The following VPS13A variants were observed in gnomAD, a reference collection of about 807,000 sequenced individuals.
VPS13A encodes vacuolar protein sorting 13 homolog A.
In VPS13A, 264 loss-of-function variants were observed where a neutral mutation model predicts 390.9. The ratio of observed to expected loss-of-function variants is 0.68; its 90% CI spans 0.61 to 0.75. The LOEUF (loss-of-function observed/expected upper bound fraction) is 0.75, where lower values mean the gene tolerates loss of function less well. VPS13A is among the 30% of genes least tolerant of loss of function. The probability of loss-of-function intolerance (pLI) is 0.00; values close to 1 mark genes in which losing one functional copy is unlikely to be tolerated. For synonymous variants in VPS13A, 1,231 were observed against 1,227.1 expected, an observed-to-expected ratio of 1.00 and a Z score of -0.07; for missense variants, 3,409 against 3,733.9, an observed-to-expected ratio of 0.91 and a Z score of 2.27.
At chr9:77,325,653 T>A (rs1829979411) in intron 45 of VPS13A, among the ~76,000 whole-genome samples, 1 of 152,054 alleles carries the variant, frequency 6.6e-6, no homozygotes, top group Non-Finnish European at 1.5e-5. Context: ...TATACTTCCT[T>A]GTCTTTTTGT....
chr9:77,284,710 T>A (rs1187148695), intron 31 of VPS13A, among the ~76,000 whole-genome samples: 4 of 151,918 alleles, frequency 2.6e-5, no homozygotes, highest in Middle Eastern at 3.2e-3. Flanking sequence ...TTATTTTATT[T>A]TTTTATTTTT....
chr9:77,280,744 A>G (rs1826968342), intron 27 of VPS13A, among the ~76,000 whole-genome samples: 1 of 152,138 alleles, frequency 6.6e-6, no homozygotes, highest in African/African-American at 2.4e-5. Flanking sequence ...GCGTCAGACT[A>G]TTTTAATAAT....
intron 52 of VPS13A, among the ~76,000 whole-genome samples, chr9:77,350,073 C>T (rs531832107): frequency 1.1e-3 from 171 of 152,110 alleles, no homozygotes; most frequent in African/African-American, 3.8e-3. Flanking sequence ...TATTCTGTTT[C>T]GGTTATGGAT....
In VPS13A at chr9:77,414,824, A is replaced by G. The variant is rs548988269; in HGVS notation, c.9475-1132A>G. Among the ~76,000 whole-genome samples, 12 of 152,110 alleles carry G rather than the reference A, an allele frequency of 7.9e-5. No individual in the cohort carries two copies. In the East Asian group the frequency reaches 2.1e-3, roughly 27 times the overall value. Reference sequence around the variant, plus strand: ...TACTTGATCCCTGGGCCTCCTGGCCAGACTCAGAAGAGATCCCTGGCCTCC... The same window carrying G: ...TACTTGATCCCTGGGCCTCCTGGCCGGACTCAGAAGAGATCCCTGGCCTCC... On this transcript the variant is annotated intron_variant, in intron 71 of 71. Coordinates refer to ENST00000360280, the MANE Select transcript of VPS13A (RefSeq NM_033305.3).
intron 63 of VPS13A, among the ~76,000 whole-genome samples, 166 bp from the exon 64 acceptor site, chr9:77,370,091 A>G (rs190717102): frequency 3.6e-4 from 55 of 152,332 alleles, no homozygotes; most frequent in Non-Finnish European, 6.5e-4. Flanking sequence ...GCGTCCAGAA[A>G]TATCCCTAGG....
At chr9:77,339,462 ATAT>A (rs1053139090) in intron 47 of VPS13A, 51 bp from the exon 48 acceptor site, 37 of 1,482,558 alleles carry the variant, frequency 2.5e-5, no homozygotes, top group Non-Finnish European at 4.5e-6. Context: ...ATTTTGAGGC[ATAT>A]TATTCTGCAA....
At chr9:77,393,816 T>C (rs1834000141) in intron 68 of VPS13A, among the ~76,000 whole-genome samples, 2 of 152,256 alleles carry the variant, frequency 1.3e-5, no homozygotes, top group Non-Finnish European at 2.9e-5. Context: ...GTCACCCAGG[T>C]AGCCTGCAAT....
intron 67 of VPS13A, among the ~76,000 whole-genome samples, chr9:77,377,203 GTTTTTTTTTTTTT>G (rs61562443): frequency 5.8e-5 from 4 of 69,050 alleles, no homozygotes; most frequent in Admixed American, 2.0e-4. Context: ...TTTTGATGCT[GTTTTTTTTTTTTT>G]TTTTTTTTTT....
intron 45 of VPS13A, among the ~76,000 whole-genome samples, chr9:77,329,364 T>C (rs1483479144): frequency 6.6e-6 from 1 of 152,260 alleles, no homozygotes. Context: ...GGTTTTGACA[T>C]GCACTTCTTA....
rs765497283 is a variant in VPS13A, at chr9:77,282,285, T to A, written c.3118+11T>A. ...TCATTAAAAAATTAGGTATGTTTTT[T>A]AAAAATTTAGCATCAACTTTTTTTT... On this transcript the variant is annotated intron_variant, in intron 29 of 71. Transcript: ENST00000360280. 1.5e-5 allele frequency: 24 copies of A among 1,604,978 alleles called. 1 individual carries two copies. The South Asian group carries it at 2.6e-4, about 17-fold the overall frequency.
chr9:77,185,939 C>T (rs545462056), intron 1 of VPS13A, among the ~76,000 whole-genome samples: 4 of 152,204 alleles, frequency 2.6e-5, no homozygotes, highest in African/African-American at 9.6e-5. Context: ...CCTGCCTGGT[C>T]AACATGGTGA....
chr9:77,234,785 A>G (rs1049663129), intron 17 of VPS13A, among the ~76,000 whole-genome samples: 3 of 152,104 alleles, frequency 2.0e-5, no homozygotes, highest in African/African-American at 7.2e-5. Context: ...TTTGGGGGAT[A>G]TATTTTTATT....
rs962913210 is a variant in VPS13A at position 77,278,898 on chromosome 9, A to G, written c.2825-1261A>G. 1.6e-4 allele frequency among the ~76,000 whole-genome samples: 24 copies of G among 152,328 alleles called. 1 individual carries two copies. Among genetic ancestry groups the G allele is most frequent in the East Asian group, 1.2e-3 (6 of 5,172 alleles). ...AGTTCCTTTATTCCCCTCGCAGGAC[A>G]TGCCACAGGGGTGTGTATTTCCCTA... On this transcript the variant is annotated intron_variant, in intron 26 of 71. Coordinates refer to ENST00000360280, the MANE Select transcript of VPS13A (RefSeq NM_033305.3).
rs558287069 is a variant in VPS13A at position 77,357,738 on chromosome 9, A to C, written c.7853A>C (p.His2618Pro). ...CATAACATGAAAATTCTGCAGCCGC[A>C]TGTAATAGCTCTACGAAGAAATTAT... ...TGHNMKILQPHVIALRRNYLP... is the reference protein window; with the variant it reads ...TGHNMKILQPPVIALRRNYLP... The change falls in exon 56 of 72, where the codon CAT becomes CCT. Residue 2618 changes from histidine (H) to proline (P), a missense_variant. Physicochemically the swap from His to Pro is moderately conservative, Grantham distance 77 (BLOSUM62 -2). Coordinates refer to ENST00000360280, the MANE Select transcript of VPS13A (RefSeq NM_033305.3). 6.2e-7 allele frequency: 1 copy of C among 1,613,882 alleles called. No individual in the cohort carries two copies. Among genetic ancestry groups the C allele is most frequent in the Non-Finnish European group, 8.5e-7 (1 of 1,180,000 alleles).
chr9:77,228,080 A>G, intron 16 of VPS13A, 42 bp from the exon 17 acceptor site: 1 of 1,360,730 alleles, frequency 7.3e-7, no homozygotes, highest in Non-Finnish European at 1.0e-6. Flanking sequence ...ATGCTTATAT[A>G]TATATATATG....
In VPS13A at chr9:77,345,105, A is replaced by G; in HGVS notation, c.7252A>G (p.Asn2418Asp). ...HDGAATFLLI[N>D]HTKNELVQYN... ...TGGAGCAGCTACATTCCTCTTAATAAATCACACAAAGAATGAACTTGTTCA... is the reference window on the plus strand; with the variant it reads ...TGGAGCAGCTACATTCCTCTTAATAGATCACACAAAGAATGAACTTGTTCA... Residue 2418 changes from asparagine to aspartate, a missense_variant, in exon 52 of 72, where the codon AAT becomes GAT. This residue lies in a region of VPS13A where 2,717 missense variants were observed against 2,917.4 expected (regional missense o/e 0.93). Transcript: ENST00000360280. 6.2e-7 allele frequency: 1 copy of G among 1,613,304 alleles called. No individual in the cohort carries two copies. Among genetic ancestry groups the G allele is most frequent in the East Asian group, 2.2e-5 (1 of 44,774 alleles).
At chr9:77,235,036 G>T (rs1238192089) in intron 17 of VPS13A, among the ~76,000 whole-genome samples, 2 of 152,044 alleles carry the variant, frequency 1.3e-5, no homozygotes, top group Non-Finnish European at 2.9e-5. Context: ...TTGTTTTTAT[G>T]TGTTTGTCTT....
chr9:77,238,838 G>A (rs1181932368), intron 19 of VPS13A, among the ~76,000 whole-genome samples: 1 of 152,068 alleles, frequency 6.6e-6, no homozygotes, highest in African/African-American at 2.4e-5. Flanking sequence ...ATTTCTTTGT[G>A]GGAAAGTTTA....
intron 10 of VPS13A, among the ~76,000 whole-genome samples, chr9:77,219,307 ATATATCATCTT>A (rs1163806090): frequency 1.3e-5 from 2 of 152,202 alleles, no homozygotes; most frequent in Non-Finnish European, 2.9e-5. Flanking sequence ...AATAAAAGGA[ATATATCATCTT>A]TATATACAGA....
Sources: allele counts gnomAD v4.1 joint callset (sites outside exome capture counted in the v4.1 genomes callset), GRCh38; gene constraint gnomAD v4.1.1; regional missense constraint gnomAD v4.1.1; transcripts MANE v1.5; gene names NCBI Gene and HGNC (gene_info 2026-07-23, HGNC 2026-07-21).